The following GUCY1A1 variants were observed in gnomAD, a reference collection of about 807,000 sequenced individuals.
GUCY1A1 encodes guanylate cyclase 1 soluble subunit alpha 1, also known as guanylate cyclase soluble subunit alpha-1.
Under a neutral mutation model 64.5 loss-of-function variants are expected in GUCY1A1, and 48 were observed. That is an observed-to-expected ratio of 0.74 (90% CI 0.59 to 0.95). GUCY1A1 has a LOEUF of 0.95. Among genes scored for constraint, GUCY1A1 ranks in the 40% least tolerant of loss-of-function variants. GUCY1A1 has a pLI of 0.00. For synonymous variants in GUCY1A1, 308 were observed against 303.4 expected (o/e 1.02, Z -0.16); for missense variants, 804 against 825.3 (o/e 0.97, Z 0.32).
chr4:155,686,537 A>G (rs1729026041), intron 2 of GUCY1A1, among the ~76,000 whole-genome samples: 1 of 152,262 alleles, frequency 6.6e-6, no homozygotes. Flanking sequence ...TTATAAAAGC[A>G]ATAATTAGAG....
chr4:155,675,735 T>C (rs1408421072), intron 2 of GUCY1A1, among the ~76,000 whole-genome samples: 1 of 151,618 alleles, frequency 6.6e-6, no homozygotes, highest in Non-Finnish European at 1.5e-5. Flanking sequence ...AGCTGTGATA[T>C]GCCCTGATAA....
chr4:155,721,141 G>A (rs1733908202), intron 8 of GUCY1A1, among the ~76,000 whole-genome samples: 1 of 152,174 alleles, frequency 6.6e-6, no homozygotes, highest in South Asian at 2.1e-4. Flanking sequence ...GTGCATGCCT[G>A]TAGTTCTAGC....
At chr4:155,704,121 G>T in intron 4 of GUCY1A1, 128 bp downstream of exon 4, 1 of 568,166 alleles carries the variant, frequency 1.8e-6, no homozygotes, top group Non-Finnish European at 3.2e-6. Flanking sequence ...ACTGGACTTA[G>T]TACTTTAGCT....
Position 155,684,393 on chromosome 4 carries a change from C to CGT in GUCY1A1, c.-112-12362_-112-12361dup, listed in dbSNP as rs1560920093. On this transcript the variant is annotated intron_variant, in intron 2 of 9. Transcript: ENST00000506455. ...ATTGAGTTTGTGTTGGAATTTGCCACGTCTTTTGCTAACCTGATTCCAGCA... is the reference window on the plus strand; with the variant it reads ...ATTGAGTTTGTGTTGGAATTTGCCACGTGTCTTTTGCTAACCTGATTCCAGCA... Among the ~76,000 whole-genome samples, 3 of 152,162 alleles carry CGT rather than the reference C, an allele frequency of 2.0e-5. No homozygotes were observed. In the East Asian group the frequency reaches 5.8e-4, roughly 29 times the overall value.
intron 2 of GUCY1A1, among the ~76,000 whole-genome samples, chr4:155,694,575 G>A (rs546705237): frequency 6.6e-6 from 1 of 152,220 alleles, no homozygotes; most frequent in Admixed American, 6.5e-5. Context: ...CAAACTACTG[G>A]CTATGTTCAC....
chr4:155,677,697 C>A (rs1441372089), intron 2 of GUCY1A1, among the ~76,000 whole-genome samples: 1 of 151,910 alleles, frequency 6.6e-6, no homozygotes, highest in East Asian at 1.9e-4. Flanking sequence ...ATGAAAAATA[C>A]AAAAATTAGC....
rs540024098 is a variant in GUCY1A1 at position 155,669,786 on chromosome 4, A to G, written c.-113+2367A>G. Among the ~76,000 whole-genome samples, 10 of 152,272 alleles carry G rather than the reference A, an allele frequency of 6.6e-5. No individual in the cohort carries two copies. The East Asian group carries it at 1.7e-3, about 26-fold the overall frequency. The stretch of plus-strand genomic sequence containing the variant: ...ACTTTTATTGACACATTGATATTGC[A>G]TAACTTTGAATTTTTTCAGAAACTA... On this transcript the variant is annotated intron_variant, in intron 2 of 9. Coordinates refer to ENST00000506455, the MANE Select transcript of GUCY1A1 (RefSeq NM_001130682.3).
intron 4 of GUCY1A1, among the ~76,000 whole-genome samples, chr4:155,706,093 G>A (rs1357054595): frequency 2.0e-5 from 3 of 152,132 alleles, no homozygotes; most frequent in Non-Finnish European, 4.4e-5. Context: ...CCAGCAGTGT[G>A]CCTCTTAAAA....
chr4:155,734,177 A>G lies in GUCY1A1; in HGVS notation c.*3946A>G, dbSNP rs549021517. ...GGGTGGTCTGTGGTAGGCCTAGCAA[A>G]TGAAAGAGATGAATAAACAAGAGTG... On this transcript the variant is annotated 3_prime_UTR_variant, in exon 10 of 10. Coordinates refer to ENST00000506455, the MANE Select transcript of GUCY1A1 (RefSeq NM_001130682.3). Among the ~76,000 whole-genome samples, 2 of 152,030 alleles carry G rather than the reference A, an allele frequency of 1.3e-5. No homozygotes were observed. The highest frequency in any genetic ancestry group is 3.9e-4 in the East Asian group (2 of 5,142).
chr4:155,722,338 C>CT lies in GUCY1A1; in HGVS notation c.1871+149dup, dbSNP rs1397975586. 5 of 1,436,054 alleles carry CT rather than the reference C, an allele frequency of 3.5e-6. No homozygotes were observed. The African/African-American group carries it at 7.2e-5, about 21-fold the overall frequency. The allele number at this position is 1,436,054 out of a possible 1,614,324, so 89.0% of individuals were successfully genotyped here. On this transcript the variant is annotated intron_variant, in intron 9 of 9. Coordinates refer to ENST00000506455, the MANE Select transcript of GUCY1A1 (RefSeq NM_001130682.3). ...AACGTGATAACTTTTATCATCCTCA[C>CT]TTTAACTTTTTTACACTGCTTATTA...
chr4:155,693,032 C>T (rs13131930), intron 2 of GUCY1A1, among the ~76,000 whole-genome samples: 39,086 of 151,652 alleles, frequency 0.26, 4,985 homozygotes, highest in Middle Eastern at 0.32. Context: ...GCACTCCAGC[C>T]TGGATGACAG....
At chr4:155,707,835 C>CT (rs145866986) in intron 4 of GUCY1A1, among the ~76,000 whole-genome samples, 30,692 of 131,364 alleles carry the variant, frequency 0.23, 3,392 homozygotes, top group Non-Finnish European at 0.25. Context: ...TTCTTTCTTT[C>CT]TTTCTTTTTT....
chr4:155,687,222 A>C (rs1034197868), intron 2 of GUCY1A1, among the ~76,000 whole-genome samples: 71 of 152,204 alleles, frequency 4.7e-4, no homozygotes, highest in Non-Finnish European at 7.5e-4. Flanking sequence ...ATGTACCAAA[A>C]AAAAATTTTA....
At chr4:155,720,136 G>GT (rs1427955242) in intron 8 of GUCY1A1, among the ~76,000 whole-genome samples, 1 of 152,098 alleles carries the variant, frequency 6.6e-6, no homozygotes, top group Non-Finnish European at 1.5e-5. Context: ...CATCGTTTCG[G>GT]TTTTTACGAG....
chr4:155,729,914 C>G, intron 9 of GUCY1A1, 116 bp from the exon 10 acceptor site: 1 of 638,390 alleles, frequency 1.6e-6, no homozygotes. Context: ...TTTTCTGTCA[C>G]TCACACCTAA....
rs182139797 is a variant in GUCY1A1 at position 155,688,572 on chromosome 4, G to A, written c.-112-8184G>A. Among the ~76,000 whole-genome samples, 115 of 152,248 alleles carry A rather than the reference G, an allele frequency of 7.6e-4. 1 individual carries two copies. Among genetic ancestry groups the A allele is most frequent in the Admixed American group, 4.8e-3 (74 of 15,300 alleles). ...GTCTCAGAAAATGTGATCTTGTTGA[G>A]TGTTTCTTCCAGGTTGGTAGGTTGG... On this transcript the variant is annotated intron_variant, in intron 2 of 9. Coordinates refer to ENST00000506455, the MANE Select transcript of GUCY1A1 (RefSeq NM_001130682.3).
intron 3 of GUCY1A1, among the ~76,000 whole-genome samples, chr4:155,700,364 C>CA (rs1173889402): frequency 6.6e-6 from 1 of 152,130 alleles, no homozygotes; most frequent in Non-Finnish European, 1.5e-5. Context: ...AACAGTATTA[C>CA]AATTTATCTT....
intron 2 of GUCY1A1, among the ~76,000 whole-genome samples, chr4:155,685,627 T>C (rs6840106): frequency 0.27 from 31,973 of 117,556 alleles, 3,440 homozygotes; most frequent in East Asian, 0.34. Flanking sequence ...TTTTTTTTTT[T>C]CTCTTTGCTG....
Position 155,735,629 on chromosome 4 carries a change from A to C in GUCY1A1, c.*5398A>C, listed in dbSNP as rs762927082. 1 of 152,024 alleles carries C rather than the reference A, an allele frequency of 6.6e-6. No homozygotes were observed. The highest frequency in any genetic ancestry group is 6.6e-5 in the Admixed American group (1 of 15,230). 9.4% of individuals were successfully genotyped at this position (152,024 alleles called of 1,614,324 possible). Reference sequence around the variant, plus strand: ...ATTACTTGGCTGAAAATGACTTTGCATAATGCCCAAATCTTGAAGTATCTG... The same window carrying C: ...ATTACTTGGCTGAAAATGACTTTGCCTAATGCCCAAATCTTGAAGTATCTG... On this transcript the variant is annotated 3_prime_UTR_variant, in exon 10 of 10. Coordinates refer to ENST00000506455, the MANE Select transcript of GUCY1A1 (RefSeq NM_001130682.3).
Sources: allele counts gnomAD v4.1 joint callset (sites outside exome capture counted in the v4.1 genomes callset), GRCh38; gene constraint gnomAD v4.1.1; transcripts MANE v1.5; gene names NCBI Gene and HGNC (gene_info 2026-07-23, HGNC 2026-07-21).